Variants in MMADHC observed in about 807,000 individuals in gnomAD.
MMADHC encodes metabolism of cobalamin associated D.
MMADHC carries 23 observed loss-of-function variants against 36.3 expected under a neutral mutation model. The observed-to-expected ratio is 0.63, with a 90% CI of 0.46 to 0.90. The LOEUF (loss-of-function observed/expected upper bound fraction) is 0.90. MMADHC is among the 40% of genes least tolerant of loss of function. The probability of loss-of-function intolerance (pLI) is 0.00; values close to 1 mark genes in which losing one functional copy is unlikely to be tolerated. For missense variants in MMADHC, 330 were observed against 348.0 expected, an observed-to-expected ratio of 0.95 and a Z score of 0.41; for synonymous variants, 97 against 116.1, an observed-to-expected ratio of 0.84 and a Z score of 1.06.
At chr2:149,586,914 A>G (rs968145592) in intron 2 of MMADHC, 175 bp downstream of exon 2, 8 of 668,662 alleles carry the variant, frequency 1.2e-5, no homozygotes, top group African/African-American at 1.8e-5. Context: ...AGTGCAAAGA[A>G]TGCTACCATC....
rs1200896377 is a variant in MMADHC at position 149,571,080 on chromosome 2, C to G, written c.696+5G>C. ...TAATCTGATTTTCAAATGATAATTA[C>G]TCACTGCCAAACCAGATGATGGGTC... On this transcript the variant is annotated splice_donor_5th_base_variant and intron_variant, in intron 7 of 7. Coordinates refer to ENST00000303319, the MANE Select transcript of MMADHC (RefSeq NM_015702.3). 6.3e-7 allele frequency: 1 copy of G among 1,594,896 alleles called. No individual in the cohort carries two copies. The highest frequency in any genetic ancestry group is 1.7e-5 in the Admixed American group (1 of 59,948).
At chr2:149,571,006 T>C in intron 7 of MMADHC, 79 bp downstream of exon 7, 4 of 1,178,642 alleles carry the variant, frequency 3.4e-6, no homozygotes, top group South Asian at 2.6e-5. Context: ...CTTAATCTAT[T>C]ACCAAAGTTA....
intron 2 of MMADHC, chr2:149,586,764 A>G (rs1281217004): frequency 3.0e-6 from 1 of 336,818 alleles, no homozygotes; most frequent in Admixed American, 4.4e-5. Context: ...AAAACCCTTC[A>G]GTTTAGCTAA....
intron 2 of MMADHC, among the ~76,000 whole-genome samples, chr2:149,584,077 A>C (rs1682830011): frequency 6.6e-6 from 1 of 152,194 alleles, no homozygotes; most frequent in Non-Finnish European, 1.5e-5. Flanking sequence ...CAAAGAAACA[A>C]AAATGGTAAT....
Position 149,576,417 on chromosome 2 carries a change from A to G in MMADHC, c.478+20T>C, listed in dbSNP as rs1470840094. The G allele has an allele frequency of 6.6e-7, 1 of 1,513,762 alleles. No homozygotes were observed. Among genetic ancestry groups the G allele is most frequent in the Non-Finnish European group, 9.2e-7 (1 of 1,088,450 alleles). 93.8% of individuals were successfully genotyped at this position (1,513,762 alleles called of 1,614,324 possible). A position where few individuals can be genotyped will look rare whatever the true frequency, so the allele number is the denominator to read the frequency against. ...TAAAAAAATTAGTAACAGTGTTTCA[A>G]AGTATAAAGCATGACATACCTTTTC... is the stretch of plus-strand genomic sequence containing the variant. On this transcript the variant is annotated intron_variant, in intron 5 of 7. Transcript: ENST00000303319.
intron 2 of MMADHC, among the ~76,000 whole-genome samples, chr2:149,585,938 C>G (rs1268710001): frequency 6.6e-6 from 1 of 152,128 alleles, no homozygotes; most frequent in Non-Finnish European, 1.5e-5. Context: ...AAAACCAGGT[C>G]AAATAATAGC....
In MMADHC at chr2:149,569,877, A is replaced by C; in HGVS notation, c.*97T>G. 9.4e-7 allele frequency: 1 copy of C among 1,058,278 alleles called. No individual in the cohort carries two copies. The highest frequency in any genetic ancestry group is 1.5e-5 in the South Asian group (1 of 68,020). 65.6% of individuals were successfully genotyped at this position (1,058,278 alleles called of 1,614,324 possible). ...TTCATAAATGCTGAAATAAATACTT[A>C]GAAATAAATATATTTTAAAAACTTT... is the stretch of plus-strand genomic sequence containing the variant. On this transcript the variant is annotated 3_prime_UTR_variant, in exon 8 of 8. Transcript: ENST00000303319.
chr2:149,579,424 A>G lies in MMADHC; in HGVS notation c.372+7T>C, dbSNP rs368516017. 2.5e-6 allele frequency: 4 copies of G among 1,605,640 alleles called. No homozygotes were observed. In the African/African-American group the frequency reaches 5.4e-5, roughly 21 times the overall value. On this transcript the variant is annotated splice_region_variant and intron_variant, in intron 4 of 7. Transcript: ENST00000303319. Reference sequence around the variant, plus strand: ...GGAAAGCACAATAAATGTTACCAACAATTTACCTGAAATTCATTCACATAT... The same window carrying G: ...GGAAAGCACAATAAATGTTACCAACGATTTACCTGAAATTCATTCACATAT...
chr2:149,576,942 C>G (rs1682727159), intron 4 of MMADHC, among the ~76,000 whole-genome samples: 1 of 152,114 alleles, frequency 6.6e-6, no homozygotes, highest in Non-Finnish European at 1.5e-5. Flanking sequence ...AGATACATGA[C>G]TAAATAATAC....
chr2:149,587,285 G>A (rs1682886822), intron 1 of MMADHC, 136 bp from the exon 2 acceptor site: 1 of 653,388 alleles, frequency 1.5e-6, no homozygotes, highest in Non-Finnish European at 2.8e-6. Context: ...GTACCCTAAG[G>A]AGGCCAGAAC....
chr2:149,578,216 G>C (rs912728272), intron 4 of MMADHC, among the ~76,000 whole-genome samples: 3 of 152,140 alleles, frequency 2.0e-5, no homozygotes, highest in Admixed American at 2.0e-4. Flanking sequence ...CTCTGGCAAA[G>C]AATTGAAAGG....
chr2:149,575,881 GATTTTTAAAGAACAA>G (rs1286151840), intron 5 of MMADHC, 40 bp from the exon 6 acceptor site: 5 of 1,483,874 alleles, frequency 3.4e-6, no homozygotes, highest in Admixed American at 1.9e-5. Context: ...AAAAGAATTT[GATTTTTAAAGAACAA>G]ATTTTTAAAG....
chr2:149,581,598 C>T (rs923547520), intron 3 of MMADHC, among the ~76,000 whole-genome samples: 3 of 151,858 alleles, frequency 2.0e-5, no homozygotes, highest in Non-Finnish European at 4.4e-5. Context: ...TTCTTTTTAA[C>T]CTTGAACAAA....
chr2:149,574,613 G>T lies in MMADHC; in HGVS notation c.609+1098C>A, dbSNP rs1573876160. ...AGCTAGCATGACAGCTTATATACTA[G>T]AACAGTCTTTTTGATGGGCAAATTG... On this transcript the variant is annotated intron_variant, in intron 6 of 7. Transcript: ENST00000303319. Among the ~76,000 whole-genome samples, 3 of 152,100 alleles carry T rather than the reference G, an allele frequency of 2.0e-5. No homozygotes were observed. In the South Asian group the frequency reaches 6.2e-4, roughly 32 times the overall value.
At chr2:149,576,341 T>C in intron 5 of MMADHC, 96 bp downstream of exon 5, 2 of 852,222 alleles carry the variant, frequency 2.3e-6, no homozygotes, top group Non-Finnish European at 4.0e-6. Flanking sequence ...TAAAATATAA[T>C]ATTAAGGTAT....
intron 6 of MMADHC, among the ~76,000 whole-genome samples, chr2:149,574,316 T>C (rs1049503881): frequency 6.6e-6 from 1 of 152,226 alleles, no homozygotes; most frequent in East Asian, 1.9e-4. Context: ...ATAACTCCCT[T>C]GTTAATTAGT....
chr2:149,587,371 C>G, intron 1 of MMADHC: 1 of 540,008 alleles, frequency 1.9e-6, no homozygotes. Flanking sequence ...TTTACAGCCG[C>G]GGAAAAACAA....
chr2:149,573,759 G>C (rs948683682), intron 6 of MMADHC, among the ~76,000 whole-genome samples: 4 of 152,110 alleles, frequency 2.6e-5, no homozygotes, highest in African/African-American at 9.6e-5. Context: ...ATAGTCATTA[G>C]AATGTATTTC....
chr2:149,572,604 A>G (rs1157659197), intron 6 of MMADHC, among the ~76,000 whole-genome samples: 1 of 152,170 alleles, frequency 6.6e-6, no homozygotes, highest in Non-Finnish European at 1.5e-5. Flanking sequence ...TAATGGTGTC[A>G]CTGGAGCTGA....
Sources: gnomAD v4.1 joint callset for allele counts (sites outside exome capture counted in the v4.1 genomes callset) on GRCh38, gnomAD v4.1.1 for gene constraint, MANE v1.5 for transcripts, NCBI Gene and HGNC (gene_info 2026-07-23, HGNC 2026-07-21) for gene names.